Variants in RAB11B observed in about 807,000 individuals in gnomAD.
The protein encoded by RAB11B is RAB11B, member RAS oncogene family.
A neutral mutation model predicts 23.7 loss-of-function variants in RAB11B; 7 were observed. The ratio of observed to expected loss-of-function variants is 0.29; its 90% CI spans 0.17 to 0.55. The LOEUF is 0.55. RAB11B is among the 20% of genes least tolerant of loss of function. The pLI, the probability that RAB11B is intolerant of heterozygous loss-of-function variation, is 0.93. For synonymous variants in RAB11B, 138 were observed against 132.0 expected, an observed-to-expected ratio of 1.05 and a Z score of -0.31; for missense variants, 189 against 320.0, an observed-to-expected ratio of 0.59 and a Z score of 3.12.
chr19:8,400,159 A>G lies in RAB11B; in HGVS notation c.236+101A>G, dbSNP rs1329977348. 2.9e-6 allele frequency: 4 copies of G among 1,360,984 alleles called. No individual in the cohort carries two copies. The East Asian group carries it at 9.9e-5, about 34-fold the overall frequency. 84.3% of individuals were successfully genotyped at this position (1,360,984 alleles called of 1,614,324 possible). A position where few individuals can be genotyped will look rare whatever the true frequency, so the allele number is the denominator to read the frequency against. ...TGTAGGAGTTGGGCAGGAGAAGGGG[A>G]GAGTGTGCTCCCAAGACCAGGGAGT... is the stretch of plus-strand genomic sequence containing the variant. On this transcript the variant is annotated intron_variant, in intron 2 of 4. Transcript: ENST00000328024.
Position 8,403,438 on chromosome 19 carries a change from A to G in RAB11B, c.537A>G (p.Lys179=), listed in dbSNP as rs1971453982. ...AGATCTACCGCATCGTGTCACAGAA[A>G]CAGATCGCAGACCGCGCTGCCCACG... ...LTEIYRIVSQ[K]QIADRAAHDE... The change falls in exon 5 of 5, where the codon AAA becomes AAG. Residue 179 remains lysine (K), a synonymous_variant. Transcript: ENST00000328024. 6.2e-7 allele frequency: 1 copy of G among 1,613,754 alleles called. No homozygotes were observed. The highest frequency in any genetic ancestry group is 8.5e-7 in the Non-Finnish European group (1 of 1,179,850).
chr19:8,397,668 C>T (rs1302676251), intron 1 of RAB11B, among the ~76,000 whole-genome samples: 6 of 152,186 alleles, frequency 3.9e-5, no homozygotes, highest in African/African-American at 9.6e-5. Context: ...AAATTCCAAA[C>T]GTGTAGGTAC....
intron 1 of RAB11B, among the ~76,000 whole-genome samples, chr19:8,393,029 G>A (rs1278066340): frequency 1.0e-4 from 15 of 149,662 alleles, no homozygotes; most frequent in Non-Finnish European, 1.8e-4. Flanking sequence ...TCACGCACTG[G>A]CTCCCTTGAC....
chr19:8,399,124 A>G (rs1254743958), intron 1 of RAB11B, among the ~76,000 whole-genome samples: 1 of 151,568 alleles, frequency 6.6e-6, no homozygotes, highest in Non-Finnish European at 1.5e-5. Context: ...AGCTAATTTT[A>G]TTGTATTTTT....
rs1283032090 is a variant in RAB11B, at chr19:8,403,536, T to C, written c.635T>C (p.Leu212Pro). The part of the protein sequence containing the change: ...PTTDGQKPNK[L>P]QCCQNL ...ACGGACGGACAGAAGCCCAACAAGC[T>C]GCAGTGCTGCCAGAACCTGTGACCC... The change falls in exon 5 of 5, where the codon CTG (leucine) becomes CCG (proline). Residue 212 changes from leucine to proline, a missense_variant. This residue lies in a region of RAB11B where 122 missense variants were observed against 170.8 expected (regional missense o/e 0.71). Transcript: ENST00000328024. 1.9e-6 allele frequency: 3 copies of C among 1,613,618 alleles called. No homozygotes were observed. The Admixed American group carries it at 5.0e-5, about 27-fold the overall frequency.
At chr19:8,391,545 C>T (rs1971353352) in intron 1 of RAB11B, among the ~76,000 whole-genome samples, 1 of 151,578 alleles carries the variant, frequency 6.6e-6, no homozygotes, top group Admixed American at 6.6e-5. Context: ...TCAGCTGAGC[C>T]TTCTGTGCCC....
intron 2 of RAB11B, 24 bp downstream of exon 2, chr19:8,400,082 G>A (rs1971425824): frequency 1.2e-6 from 2 of 1,602,658 alleles, no homozygotes; most frequent in Admixed American, 1.7e-5. Context: ...GCCTGGGCAG[G>A]GACGCTGAGA....
intron 1 of RAB11B, among the ~76,000 whole-genome samples, chr19:8,393,771 T>A (rs1370112598): frequency 6.6e-6 from 1 of 152,130 alleles, no homozygotes; most frequent in Non-Finnish European, 1.5e-5. Context: ...TCTGCCGGAA[T>A]GGGGGCACCA....
chr19:8,391,817 T>C (rs940430299), intron 1 of RAB11B, among the ~76,000 whole-genome samples: 2 of 151,134 alleles, frequency 1.3e-5, no homozygotes, highest in Non-Finnish European at 2.9e-5. Context: ...GAGGCAGAGG[T>C]CTCCCCACCT....
chr19:8,403,673 G>T lies in RAB11B; in HGVS notation c.*115G>T. 7.1e-7 allele frequency: 1 copy of T among 1,413,358 alleles called. No homozygotes were observed. Among genetic ancestry groups the T allele is most frequent in the South Asian group, 1.4e-5 (1 of 72,576 alleles). The allele number at this position is 1,413,358 out of a possible 1,614,324, so 87.6% of individuals were successfully genotyped here. A position where few individuals can be genotyped will look rare whatever the true frequency, so the allele number is the denominator to read the frequency against. On this transcript the variant is annotated 3_prime_UTR_variant, in exon 5 of 5. Coordinates refer to ENST00000328024, the MANE Select transcript of RAB11B (RefSeq NM_004218.4). Reference sequence around the variant, plus strand: ...CGGCTCGTTCCAGCCCTCCCAGTGAGCTCTGCACGGCCGGGCCGGGGCCCA... The same window carrying T: ...CGGCTCGTTCCAGCCCTCCCAGTGATCTCTGCACGGCCGGGCCGGGGCCCA...
chr19:8,398,334 T>G (rs1971412079), intron 1 of RAB11B, among the ~76,000 whole-genome samples: 2 of 152,250 alleles, frequency 1.3e-5, no homozygotes, highest in East Asian at 3.9e-4. Flanking sequence ...CACGCTGCGC[T>G]GACTCCTTTC....
intron 2 of RAB11B, among the ~76,000 whole-genome samples, chr19:8,401,880 C>G (rs1417787485): frequency 2.6e-5 from 4 of 152,230 alleles, no homozygotes; most frequent in African/African-American, 4.8e-5. Context: ...CCCAAACTCC[C>G]TCCTCAGACC....
chr19:8,394,693 G>T (rs1241104362), intron 1 of RAB11B, among the ~76,000 whole-genome samples: 1 of 152,144 alleles, frequency 6.6e-6, no homozygotes, highest in Non-Finnish European at 1.5e-5. Context: ...TACTTTGGAA[G>T]GCCGAGGTGG....
intron 3 of RAB11B, 81 bp downstream of exon 3, chr19:8,402,360 C>T: frequency 6.6e-7 from 1 of 1,526,246 alleles, no homozygotes. Context: ...CTGGCCACAG[C>T]CCTGGCTTCC....
intron 1 of RAB11B, among the ~76,000 whole-genome samples, chr19:8,394,915 G>GATTCCATCTCAATATGT (rs1971384689): frequency 6.6e-6 from 1 of 152,216 alleles, no homozygotes; most frequent in Non-Finnish European, 1.5e-5. Context: ...GGGCGAGGGA[G>GATTCCATCTCAATATGT]ATTCCATCTC....
rs1971394185 is a variant in RAB11B, at chr19:8,396,009, C to A, written c.41-3854C>A. On this transcript the variant is annotated intron_variant, in intron 1 of 4. Transcript: ENST00000328024. This position sits in a 1 kb window ranked among gnomAD's most constrained non-coding sequence, Gnocchi z 5.0. Reference sequence around the variant, plus strand: ...AGGGCGAGCCCACAAACATGCATAGCTTCAGGGTCCTGCTCTGCCCCGCAC... The same window carrying A: ...AGGGCGAGCCCACAAACATGCATAGATTCAGGGTCCTGCTCTGCCCCGCAC... 6.6e-6 allele frequency among the ~76,000 whole-genome samples: 1 copy of A among 152,224 alleles called. No homozygotes were observed. Among genetic ancestry groups the A allele is most frequent in the African/African-American group, 2.4e-5 (1 of 41,464 alleles).
intron 4 of RAB11B, 56 bp downstream of exon 4, chr19:8,402,621 G>T: frequency 7.4e-7 from 1 of 1,347,242 alleles, no homozygotes; most frequent in Non-Finnish European, 1.1e-6. Flanking sequence ...GGTGGAACAC[G>T]GCCTCTGAAC....
At position 8,396,483 on chromosome 19, in the gene RAB11B, AG is replaced by A. The variant is rs1971397254; in HGVS notation, c.41-3377del. On this transcript the variant is annotated intron_variant, in intron 1 of 4. Coordinates refer to ENST00000328024, the MANE Select transcript of RAB11B (RefSeq NM_004218.4). The surrounding 1 kb of genome is among the most constrained non-coding windows in gnomAD (Gnocchi z 5.0). The stretch of plus-strand genomic sequence containing the variant: ...CGGAGGAAGAACTGGGTCCGGGAGC[AG>A]GGTAATTCGGAGAGTAGAGTTTTAG... Among the ~76,000 whole-genome samples, 2 of 152,250 alleles carry A rather than the reference AG, an allele frequency of 1.3e-5. No individual in the cohort carries two copies. The highest frequency in any genetic ancestry group is 4.1e-4 in the South Asian group (2 of 4,830).
rs1473134219 is a variant in RAB11B at position 8,396,319 on chromosome 19, A to T, written c.41-3544A>T. 6.6e-6 allele frequency among the ~76,000 whole-genome samples: 1 copy of T among 152,080 alleles called. No individual in the cohort carries two copies. Among genetic ancestry groups the T allele is most frequent in the Non-Finnish European group, 1.5e-5 (1 of 68,020 alleles). ...GGGAGGCTCTGCCAGCCTTTTTGGCATTTTGTTTGTTCACTTGACAGACAT... is the reference window on the plus strand; with the variant it reads ...GGGAGGCTCTGCCAGCCTTTTTGGCTTTTTGTTTGTTCACTTGACAGACAT... On this transcript the variant is annotated intron_variant, in intron 1 of 4. Coordinates refer to ENST00000328024, the MANE Select transcript of RAB11B (RefSeq NM_004218.4). The surrounding 1 kb of genome is among the most constrained non-coding windows in gnomAD (Gnocchi z 5.0).
Sources: gnomAD v4.1 joint callset for allele counts (sites outside exome capture counted in the v4.1 genomes callset) on GRCh38, gnomAD v4.1.1 for gene constraint, gnomAD v4.1.1 regional missense constraint, Gnocchi (gnomAD v3.1) non-coding constraint, MANE v1.5 for transcripts, NCBI Gene and HGNC (gene_info 2026-07-23, HGNC 2026-07-21) for gene names.